The following NDC1 variants were observed in gnomAD, a reference collection of about 807,000 sequenced individuals.
The protein encoded by NDC1 is NDC1 transmembrane nucleoporin, also known as nucleoporin NDC1.
A neutral mutation model predicts 89.8 loss-of-function variants in NDC1; 24 were observed. That is an observed-to-expected ratio of 0.27 (90% CI 0.19 to 0.38). The LOEUF is 0.38. NDC1 is among the 10% of genes least tolerant of loss of function. The pLI is 1.00. For missense variants in NDC1, 728 were observed against 797.6 expected, an observed-to-expected ratio of 0.91 and a Z score of 1.05; for synonymous variants, 296 against 284.8, an observed-to-expected ratio of 1.04 and a Z score of -0.39.
intron 11 of NDC1, among the ~76,000 whole-genome samples, chr1:53,799,649 G>A (rs988717614): frequency 6.6e-6 from 1 of 152,212 alleles, no homozygotes; most frequent in Admixed American, 6.5e-5. Context: ...GTTCACATAT[G>A]GGATCCAAAG....
chr1:53,799,799 C>T (rs886462664), intron 11 of NDC1, among the ~76,000 whole-genome samples: 2 of 152,292 alleles, frequency 1.3e-5, no homozygotes, highest in South Asian at 2.1e-4. Flanking sequence ...ACACATGGAA[C>T]ATTAAGTCCT....
chr1:53,788,095 C>A (rs775291119), intron 15 of NDC1, among the ~76,000 whole-genome samples: 2 of 152,160 alleles, frequency 1.3e-5, no homozygotes, highest in Non-Finnish European at 2.9e-5. Flanking sequence ...CCAGGCTCAA[C>A]AGCCTGGGCA....
chr1:53,833,194 G>A (rs1649122033), intron 2 of NDC1, among the ~76,000 whole-genome samples: 1 of 151,846 alleles, frequency 6.6e-6, no homozygotes, highest in African/African-American at 2.4e-5. Flanking sequence ...ACAGAGTATT[G>A]CTCTGTTGCC....
Position 53,797,041 on chromosome 1 carries a change from A to C in NDC1, c.1326T>G (p.Asp442Glu). 1 of 1,614,064 alleles carries C rather than the reference A, an allele frequency of 6.2e-7. No homozygotes were observed. Among genetic ancestry groups the C allele is most frequent in the Non-Finnish European group, 8.5e-7 (1 of 1,180,020 alleles). The change falls in exon 12 of 18, where the codon GAT becomes GAG. Residue 442 changes from aspartate to glutamate, a missense_variant. By Grantham distance (45) the Asp-to-Glu change is conservative. Coordinates refer to ENST00000371429, the MANE Select transcript of NDC1 (RefSeq NM_018087.5). ...SLFSSKLSTP[D>E]VVSPFGTPFG... ...ATGGGGTCCCAAATGGGCTCACAACATCAGGTGTAGATAATTTTGAAGAAA... is the reference window on the plus strand; with the variant it reads ...ATGGGGTCCCAAATGGGCTCACAACCTCAGGTGTAGATAATTTTGAAGAAA...
chr1:53,803,650 C>T (rs1647999532), intron 10 of NDC1, among the ~76,000 whole-genome samples: 1 of 152,168 alleles, frequency 6.6e-6, no homozygotes, highest in South Asian at 2.1e-4. Context: ...CGGCTCACTG[C>T]AAGCTCCGCC....
At chr1:53,778,474 C>G (rs543108491) in intron 16 of NDC1, among the ~76,000 whole-genome samples, 1 of 151,924 alleles carries the variant, frequency 6.6e-6, no homozygotes, top group Non-Finnish European at 1.5e-5. Flanking sequence ...ATGACTTGGA[C>G]GGGCATGGTG....
intron 8 of NDC1, 42 bp from the exon 9 acceptor site, chr1:53,806,559 T>A (rs763230002): frequency 3.2e-6 from 4 of 1,263,080 alleles, no homozygotes; most frequent in Non-Finnish European, 4.2e-6. Flanking sequence ...ATTTTCATGA[T>A]CTTACATTCA....
chr1:53,803,953 T>C lies in NDC1; in HGVS notation c.1041A>G (p.Gln347=), dbSNP rs1445839429. 1.2e-6 allele frequency: 2 copies of C among 1,614,070 alleles called. No homozygotes were observed. The highest frequency in any genetic ancestry group is 1.7e-6 in the Non-Finnish European group (2 of 1,179,902). Residue 347 remains glutamine (Q), a synonymous_variant, in exon 10 of 18, where the codon CAA becomes CAG. Transcript: ENST00000371429. ...LLSQYSPSRR[Q]EVFSLSQPGG... The stretch of plus-strand genomic sequence containing the variant: ...CTGGTTGGCTGAGGCTGAAAACTTC[T>C]TGTCTTCGTGAAGGAGAATATTGAG...
Position 53,797,166 on chromosome 1 carries a change from G to A in NDC1, c.1223-22C>T, listed in dbSNP as rs1210123296. On this transcript the variant is annotated intron_variant, in intron 11 of 17. Coordinates refer to ENST00000371429, the MANE Select transcript of NDC1 (RefSeq NM_018087.5). ...TCTTCTGTAAAACAACAGATCCAGT[G>A]CTGAAGAGGCAACCTGATCCAAGCA... is the stretch of plus-strand genomic sequence containing the variant. The A allele has an allele frequency of 3.1e-6, 5 of 1,609,162 alleles. No homozygotes were observed. The African/African-American group carries it at 5.4e-5, about 17-fold the overall frequency.
intron 6 of NDC1, among the ~76,000 whole-genome samples, chr1:53,810,266 G>C (rs1648258999): frequency 6.6e-6 from 1 of 152,084 alleles, no homozygotes; most frequent in Admixed American, 6.6e-5. Flanking sequence ...AGCTAAAACA[G>C]GAAAGTAGTG....
In NDC1 at chr1:53,828,595, ATTTAT is replaced by A. The variant is rs201396911; in HGVS notation, c.281-427_281-423del. Among the ~76,000 whole-genome samples, 420 of 150,890 alleles carry A rather than the reference ATTTAT, an allele frequency of 2.8e-3. 2 individuals carry two copies. The highest frequency in any genetic ancestry group is 9.5e-3 in the African/African-American group (389 of 41,148). On this transcript the variant is annotated intron_variant, in intron 3 of 17. Coordinates refer to ENST00000371429, the MANE Select transcript of NDC1 (RefSeq NM_018087.5). ...ATACTGACTTTTTATTTATTTATTT[ATTTAT>A]TTTATTTTATTTTATTTTATTTATT...
At chr1:53,768,163 C>G (rs1647082085) in intron 17 of NDC1, 130 bp from the exon 18 acceptor site, 1 of 546,352 alleles carries the variant, frequency 1.8e-6, no homozygotes, top group Admixed American at 3.9e-5. Context: ...ATTACTATTT[C>G]TGAAAAAGCT....
chr1:53,835,495 C>A lies in NDC1; in HGVS notation c.178+5G>T. 6.2e-7 allele frequency: 1 copy of A among 1,602,846 alleles called. No homozygotes were observed. The highest frequency in any genetic ancestry group is 8.5e-7 in the Non-Finnish European group (1 of 1,176,510). On this transcript the variant is annotated splice_donor_5th_base_variant and intron_variant, in intron 2 of 17. Coordinates refer to ENST00000371429, the MANE Select transcript of NDC1 (RefSeq NM_018087.5). ...AACTTTCTCCCCAAGTTGAGTATCA[C>A]CTACCAGACAGCCACTGTATAGGAT...
rs368663827 is a variant in NDC1 at position 53,807,655 on chromosome 1, C to T, written c.891+1G>A. 3.1e-6 allele frequency: 5 copies of T among 1,598,858 alleles called. No homozygotes were observed. The South Asian group carries it at 5.7e-5, about 18-fold the overall frequency. On this transcript the variant is annotated splice_donor_variant, in intron 8 of 17. Transcript: ENST00000371429. LOFTEE classifies it high-confidence loss of function. The stretch of plus-strand genomic sequence containing the variant: ...AAGAAAAAATATTTTAAAAAACATA[C>T]CTCTGTGGCATAGATTTTGAAGAGT...
intron 6 of NDC1, 69 bp downstream of exon 6, chr1:53,818,902 G>A: frequency 1.4e-6 from 1 of 709,404 alleles, no homozygotes; most frequent in Non-Finnish European, 2.4e-6. Flanking sequence ...ACACAAGAAT[G>A]ACTTTGTAAC....
At chr1:53,777,173 C>G (rs1647170371) in intron 16 of NDC1, among the ~76,000 whole-genome samples, 1 of 152,102 alleles carries the variant, frequency 6.6e-6, no homozygotes, top group Admixed American at 6.5e-5. Flanking sequence ...GTGCACACCA[C>G]AGCACCCAGC....
rs975617400 is a variant in NDC1 at position 53,767,994 on chromosome 1, T to C, written c.2001A>G (p.Gln667=). ...ACTATTCTTTGAACTCCAAGAACTG[T>C]TGAAGTCTTTTCTGATGTTCTGCAG... is the stretch of plus-strand genomic sequence containing the variant. The part of the protein sequence containing the change: ...QASAEHQKRL[Q]QFLEFKE Residue 667 remains glutamine, a synonymous_variant, in exon 18 of 18, where the codon CAA becomes CAG. Transcript: ENST00000371429. 9 of 1,608,770 alleles carry C rather than the reference T, an allele frequency of 5.6e-6. No homozygotes were observed. The highest frequency in any genetic ancestry group is 4.4e-5 in the South Asian group (4 of 90,130).
intron 6 of NDC1, among the ~76,000 whole-genome samples, chr1:53,813,355 C>T (rs1648374175): frequency 6.6e-6 from 1 of 152,140 alleles, no homozygotes; most frequent in Non-Finnish European, 1.5e-5. Context: ...TAAGAACTCA[C>T]CAACTAACCA....
intron 14 of NDC1, among the ~76,000 whole-genome samples, chr1:53,792,429 G>A: frequency 6.6e-6 from 1 of 152,158 alleles, no homozygotes; most frequent in East Asian, 1.9e-4. Context: ...CCCCTGAAAT[G>A]ACTGTTATGC....
Sources: gnomAD v4.1 joint callset for allele counts (sites outside exome capture counted in the v4.1 genomes callset) on GRCh38, gnomAD v4.1.1 for gene constraint, MANE v1.5 for transcripts, NCBI Gene and HGNC (gene_info 2026-07-23, HGNC 2026-07-21) for gene names.